The following TAFA1 variants were observed in gnomAD, a reference collection of about 807,000 sequenced individuals.
TAFA1 encodes the protein TAFA chemokine like family member 1, also known as chemokine-like protein TAFA-1.
Under a neutral mutation model 18.5 loss-of-function variants are expected in TAFA1, and 4 were observed. The observed-to-expected ratio is 0.22, with a 90% CI of 0.11 to 0.49. The LOEUF (loss-of-function observed/expected upper bound fraction) is 0.49. Among genes scored for constraint, TAFA1 ranks in the 20% least tolerant of loss-of-function variants. TAFA1 has a pLI of 0.98. For synonymous variants in TAFA1, 56 were observed against 55.2 expected (o/e 1.01, Z -0.06); for missense variants, 147 against 169.0 (o/e 0.87, Z 0.72).
At chr3:68,050,718 G>C (rs1364288117) in intron 2 of TAFA1, among the ~76,000 whole-genome samples, 1 of 152,150 alleles carries the variant, frequency 6.6e-6, no homozygotes, top group African/African-American at 2.4e-5. Context: ...GCAAGGGTCA[G>C]CCATTGACTA....
At chr3:68,332,093 G>T (rs1041006142) in intron 2 of TAFA1, among the ~76,000 whole-genome samples, 6 of 151,674 alleles carry the variant, frequency 4.0e-5, no homozygotes, top group Admixed American at 3.9e-4. Flanking sequence ...TCGATCTCCT[G>T]ACCTCGTGAT....
intron 3 of TAFA1, among the ~76,000 whole-genome samples, chr3:68,438,602 C>T (rs1055458827): frequency 8.5e-5 from 13 of 152,102 alleles, no homozygotes; most frequent in Admixed American, 6.6e-5. Context: ...CTCCCTGGAG[C>T]ACCTTCAACG....
intron 2 of TAFA1, among the ~76,000 whole-genome samples, chr3:68,116,863 C>T (rs1424883543): frequency 6.6e-6 from 1 of 152,144 alleles, no homozygotes; most frequent in African/African-American, 2.4e-5. Flanking sequence ...CAGCATTGCC[C>T]ATTGATTTAC....
chr3:68,408,000 T>C (rs2070643083), intron 2 of TAFA1, among the ~76,000 whole-genome samples: 1 of 152,162 alleles, frequency 6.6e-6, no homozygotes, highest in Non-Finnish European at 1.5e-5. Context: ...ATTGGGTCAA[T>C]AAAGCATTTT....
chr3:68,217,021 C>G (rs1230265264), intron 2 of TAFA1, among the ~76,000 whole-genome samples: 1 of 152,030 alleles, frequency 6.6e-6, no homozygotes, highest in African/African-American at 2.4e-5. Context: ...GCACAACTCT[C>G]TGCCCTTTAA....
intron 2 of TAFA1, among the ~76,000 whole-genome samples, chr3:68,111,253 G>T (rs1408912784): frequency 6.6e-6 from 1 of 152,028 alleles, no homozygotes; most frequent in Admixed American, 6.6e-5. Context: ...CTTTTCAACC[G>T]AAATAATGGA....
At chr3:68,049,986 G>A (rs917473923) in intron 2 of TAFA1, among the ~76,000 whole-genome samples, 57 of 152,084 alleles carry the variant, frequency 3.7e-4, no homozygotes, top group African/African-American at 1.4e-3. Context: ...TGTGGACTCT[G>A]GAGCTAGATG....
intron 2 of TAFA1, among the ~76,000 whole-genome samples, chr3:68,244,490 C>A (rs962876856): frequency 6.6e-6 from 1 of 152,132 alleles, no homozygotes; most frequent in African/African-American, 2.4e-5. Context: ...ATTGCTCCAG[C>A]ACCATTTGTT....
intron 3 of TAFA1, among the ~76,000 whole-genome samples, chr3:68,517,395 G>T (rs1355527): frequency 1.3e-5 from 2 of 152,012 alleles, no homozygotes; most frequent in African/African-American, 4.8e-5. Context: ...TGTTTTAGAA[G>T]TCAGATGGAG....
intron 2 of TAFA1, among the ~76,000 whole-genome samples, chr3:68,375,200 G>T (rs983767269): frequency 6.6e-6 from 1 of 152,132 alleles, no homozygotes; most frequent in African/African-American, 2.4e-5. Context: ...TTGGATCAGT[G>T]CTTGTCATCA....
intron 2 of TAFA1, among the ~76,000 whole-genome samples, chr3:68,185,402 A>G (rs79732999): frequency 0.044 from 6,763 of 152,200 alleles, 479 homozygotes; most frequent in African/African-American, 0.15. Context: ...TGGAACCTCA[A>G]GGATGGTATA....
chr3:68,436,585 T>A (rs2071271964), intron 3 of TAFA1, among the ~76,000 whole-genome samples: 1 of 152,146 alleles, frequency 6.6e-6, no homozygotes, highest in Non-Finnish European at 1.5e-5. Flanking sequence ...CAGCAAGTGT[T>A]CATTAATTGG....
Position 68,363,827 on chromosome 3 carries a change from G to A in TAFA1, c.119-53453G>A, listed in dbSNP as rs6774356. ...TTATAGCTTTTTTCTTTATGAGTAC[G>A]CAAACTGAAGACACAGGCAGCCTTG... On this transcript the variant is annotated intron_variant, in intron 2 of 4. Coordinates refer to ENST00000478136, the MANE Select transcript of TAFA1 (RefSeq NM_213609.4). Among the ~76,000 whole-genome samples, 12 of 151,914 alleles carry A rather than the reference G, an allele frequency of 7.9e-5. 1 individual carries two copies. The highest frequency in any genetic ancestry group is 2.1e-4 in the South Asian group (1 of 4,810).
intron 2 of TAFA1, among the ~76,000 whole-genome samples, chr3:68,098,487 G>T (rs1218131403): frequency 1.3e-5 from 2 of 152,092 alleles, no homozygotes; most frequent in Admixed American, 1.3e-4. Context: ...GTCTGCCTAG[G>T]ATCTTCTTTT....
intron 2 of TAFA1, among the ~76,000 whole-genome samples, chr3:68,018,690 G>A (rs1343849200): frequency 6.6e-6 from 1 of 152,126 alleles, no homozygotes. Flanking sequence ...GCTAAATGAA[G>A]GAACGATCTT....
intron 2 of TAFA1, among the ~76,000 whole-genome samples, chr3:68,103,544 A>G (rs2065172720): frequency 6.6e-6 from 1 of 152,300 alleles, no homozygotes; most frequent in African/African-American, 2.4e-5. Context: ...CCAGTCACCT[A>G]GAAAAGCTCA....
chr3:68,366,088 A>AAG, intron 2 of TAFA1, among the ~76,000 whole-genome samples: 1 of 149,944 alleles, frequency 6.7e-6, no homozygotes, highest in Non-Finnish European at 1.5e-5. Context: ...TCCATCTCAA[A>AAG]AAAAAAAAAA....
chr3:68,279,924 T>G (rs945338174), intron 2 of TAFA1, among the ~76,000 whole-genome samples: 1 of 152,188 alleles, frequency 6.6e-6, no homozygotes, highest in Admixed American at 6.5e-5. Flanking sequence ...CAACTGTAGA[T>G]TTTTCCATTT....
rs539296507 is a variant in TAFA1, at chr3:68,509,174, G to C, written c.260-29582G>C. The stretch of plus-strand genomic sequence containing the variant: ...GCTAGGTACTTCATATGTATTATTG[G>C]TTGTCACTTTGATTACCAAAATTGC... On this transcript the variant is annotated intron_variant, in intron 3 of 4. Coordinates refer to ENST00000478136, the MANE Select transcript of TAFA1 (RefSeq NM_213609.4). 2.6e-5 allele frequency among the ~76,000 whole-genome samples: 4 copies of C among 152,218 alleles called. No individual in the cohort carries two copies. The South Asian group carries it at 8.3e-4, about 32-fold the overall frequency.
Sources: allele counts gnomAD v4.1 joint callset (sites outside exome capture counted in the v4.1 genomes callset), GRCh38; gene constraint gnomAD v4.1.1; transcripts MANE v1.5; gene names NCBI Gene and HGNC (gene_info 2026-07-23, HGNC 2026-07-21).